TJP3: variants seen among roughly 807,000 people sequenced by gnomAD.
The protein encoded by TJP3 is tight junction protein ZO-3.
Under a neutral mutation model 104.2 loss-of-function variants are expected in TJP3, and 85 were observed. The ratio of observed to expected loss-of-function variants is 0.82; its 90% CI spans 0.68 to 0.98. The LOEUF is 0.98. Ranked by LOEUF, TJP3 falls within the 50% of genes least tolerant of loss-of-function variation. The probability of loss-of-function intolerance (pLI) is 0.00; values close to 1 mark genes in which losing one functional copy is unlikely to be tolerated. For synonymous variants in TJP3, 550 were observed against 550.6 expected (o/e 1.00, Z 0.02); for missense variants, 1,367 against 1,322.8 (o/e 1.03, Z -0.52).
chr19:3,743,725 A>C (rs552408623), intron 14 of TJP3: 3 of 519,312 alleles, frequency 5.8e-6, no homozygotes, highest in Non-Finnish European at 1.0e-5. Context: ...AGAAATGTAC[A>C]CATCAATTCT....
Position 3,734,383 on chromosome 19 carries a change from C to G in TJP3, c.934C>G (p.Pro312Ala), listed in dbSNP as rs1369093182. 1 of 1,613,502 alleles carries G rather than the reference C, an allele frequency of 6.2e-7. No individual in the cohort carries two copies. The highest frequency in any genetic ancestry group is 8.5e-7 in the Non-Finnish European group (1 of 1,180,006). ...SQAPPSHIPP[P>A]PRHAQRSPEA... ...GGCACCACCATCCCACATCCCACCACCACCCCGGCATGCTCAGCGGAGCCC... is the reference window on the plus strand; with the variant it reads ...GGCACCACCATCCCACATCCCACCAGCACCCCGGCATGCTCAGCGGAGCCC... Residue 312 changes from proline to alanine, a missense_variant, in exon 8 of 21, where the codon CCA (proline) becomes GCA (alanine). By Grantham distance (27) the Pro-to-Ala change is conservative (BLOSUM62 -1). Transcript: ENST00000541714.
intron 19 of TJP3, among the ~76,000 whole-genome samples, chr19:3,749,163 T>A (rs544171120): frequency 3.4e-4 from 52 of 152,010 alleles, no homozygotes; most frequent in African/African-American, 1.2e-3. Context: ...CCACCGCACC[T>A]GGCCTCCAGC....
Position 3,726,529 on chromosome 19 carries a change from G to A in TJP3, c.-9-1895G>A, listed in dbSNP as rs142460984. Among the ~76,000 whole-genome samples, 61 of 151,996 alleles carry A rather than the reference G, an allele frequency of 4.0e-4. No homozygotes were observed. In the East Asian group the frequency reaches 0.01, roughly 26 times the overall value. The stretch of plus-strand genomic sequence containing the variant: ...CAGGAGAATCGCTTGAAACTAGGAG[G>A]CAGAGGTTGCAGTGAGCCAAGTTGG... On this transcript the variant is annotated intron_variant, in intron 1 of 20. Coordinates refer to ENST00000541714, the MANE Select transcript of TJP3 (RefSeq NM_001267560.2).
intron 1 of TJP3, among the ~76,000 whole-genome samples, chr19:3,715,129 G>A (rs11085033): frequency 0.02 from 2,940 of 146,922 alleles, 104 homozygotes; most frequent in African/African-American, 0.07. Flanking sequence ...TCGCTCTGTC[G>A]CCCAGGCTGG....
At chr19:3,744,645 G>A (rs560315152) in intron 15 of TJP3, among the ~76,000 whole-genome samples, 4 of 149,342 alleles carry the variant, frequency 2.7e-5, no homozygotes, top group East Asian at 4.0e-4. Context: ...GCCTGACGAC[G>A]GAATGAGACT....
chr19:3,733,684 C>T, intron 6 of TJP3, 69 bp from the exon 7 acceptor site: 1 of 1,588,550 alleles, frequency 6.3e-7, no homozygotes, highest in Non-Finnish European at 8.6e-7. Flanking sequence ...TCCCCCACAC[C>T]AGGCTGTTTC....
In TJP3 at chr19:3,743,954, CG is replaced by C. The variant is rs767022829; in HGVS notation, c.1861del (p.Val621Ter). The C allele has an allele frequency of 7.4e-6, 12 of 1,613,992 alleles. No individual in the cohort carries two copies. Among genetic ancestry groups the C allele is most frequent in the Non-Finnish European group, 8.5e-6 (10 of 1,180,020 alleles). On this transcript the variant is annotated frameshift_variant, in exon 15 of 21. Transcript: ENST00000541714. LOFTEE classifies it high-confidence loss of function. ...TACCCCTCAGCCAGTTTCAAGCGCC[CG>C]GTAGTGATCCTGGGACCCGTGGCCG... ...VVLREASFKR[P>X]VVILGPVADI...
intron 1 of TJP3, among the ~76,000 whole-genome samples, chr19:3,715,128 C>T (rs868691012): frequency 1.4e-4 from 21 of 145,560 alleles, no homozygotes; most frequent in Admixed American, 1.4e-3. Context: ...CTCGCTCTGT[C>T]GCCCAGGCTG....
chr19:3,750,650 ACGG>A lies in TJP3; in HGVS notation c.2728_2730del (p.Gly910del). ...CATGATGCGGAGTCCTCCGATGAAGACGGCTATGACTGGGGTCCGGCCACTGAC... is the reference window on the plus strand; with the variant it reads ...CATGATGCGGAGTCCTCCGATGAAGACTATGACTGGGGTCCGGCCACTGAC... On this transcript the variant is annotated inframe_deletion, in exon 21 of 21. Coordinates refer to ENST00000541714, the MANE Select transcript of TJP3 (RefSeq NM_001267560.2). 1 of 1,606,842 alleles carries A rather than the reference ACGG, an allele frequency of 6.2e-7. No individual in the cohort carries two copies. The highest frequency in any genetic ancestry group is 8.5e-7 in the Non-Finnish European group (1 of 1,176,686).
rs1323062566 is a variant in TJP3 at position 3,750,158 on chromosome 19, G to T, written c.2631G>T (p.Gln877His). The T allele has an allele frequency of 6.2e-7, 1 of 1,614,038 alleles. No homozygotes were observed. The highest frequency in any genetic ancestry group is 8.5e-7 in the Non-Finnish European group (1 of 1,180,004). ...CCAAGGTGGACAGCCGCCACCCCCA[G>T]GGACAGTGGCGACAGGACAGCATGC... ...QGAQVDSRHP[Q>H]GQWRQDSMRT... Residue 877 changes from glutamine to histidine, a missense_variant, in exon 20 of 21, where the codon CAG becomes CAT. Physicochemically the swap from Gln to His is conservative, Grantham distance 24. Coordinates refer to ENST00000541714, the MANE Select transcript of TJP3 (RefSeq NM_001267560.2).
chr19:3,728,374 A>C lies in TJP3; in HGVS notation c.-9-50A>C, dbSNP rs1378516110. 7 of 1,613,740 alleles carry C rather than the reference A, an allele frequency of 4.3e-6. No individual in the cohort carries two copies. The African/African-American group carries it at 9.3e-5, about 22-fold the overall frequency. On this transcript the variant is annotated intron_variant, in intron 1 of 20. Coordinates refer to ENST00000541714, the MANE Select transcript of TJP3 (RefSeq NM_001267560.2). ...CTGAGCTGGGGACCCCCAAGTGCTC[A>C]GATGAACCTGTGTGGCCTCATGCCC...
Position 3,730,720 on chromosome 19 carries a change from G to T in TJP3, c.613+14G>T. The T allele has an allele frequency of 6.2e-7, 1 of 1,601,186 alleles. No homozygotes were observed. On this transcript the variant is annotated intron_variant, in intron 5 of 20. Transcript: ENST00000541714. The surrounding 1 kb of genome is among the most constrained non-coding windows in gnomAD (Gnocchi z 7.3). Reference sequence around the variant, plus strand: ...GAGACAGCGAAGGTCAGAAGAGGCGGGAGGTCGGACACGATCAGTACTGGA... The same window carrying T: ...GAGACAGCGAAGGTCAGAAGAGGCGTGAGGTCGGACACGATCAGTACTGGA...
chr19:3,731,858 A>C, intron 5 of TJP3, 77 bp from the exon 6 acceptor site: 1 of 1,245,364 alleles, frequency 8.0e-7, no homozygotes, highest in South Asian at 1.4e-5. Flanking sequence ...CCGCACCTGG[A>C]CTGCTTACAG....
rs752411524 is a variant in TJP3, at chr19:3,730,167, A to C, written c.261+37A>C. The C allele has an allele frequency of 6.3e-7, 1 of 1,599,362 alleles. No individual in the cohort carries two copies. ...GCCCCTGGCATGGCCAGCATCTCTG[A>C]CCCCAGCCTGGGTCGTGCCGCTGTG... On this transcript the variant is annotated intron_variant, in intron 4 of 20. Transcript: ENST00000541714. This position sits in a 1 kb window ranked among gnomAD's most constrained non-coding sequence, Gnocchi z 7.3.
At position 3,730,545 on chromosome 19, in the gene TJP3, C is replaced by T; in HGVS notation, c.452C>T (p.Pro151Leu). The change falls in exon 5 of 21, where the codon CCT (proline) becomes CTT (leucine). Residue 151 changes from proline (P) to leucine (L), a missense_variant. By Grantham distance (98) the Pro-to-Leu change is moderately conservative. Coordinates refer to ENST00000541714, the MANE Select transcript of TJP3 (RefSeq NM_001267560.2). This position sits in a 1 kb window ranked among gnomAD's most constrained non-coding sequence, Gnocchi z 7.3. ...SWDERSRRPR[P>L]GRRGRAGSHG... ...GACGAGCGCTCCCGCCGGCCGAGGC[C>T]TGGTCGCCGGGGCCGGGCCGGCAGC... 6.2e-7 allele frequency: 1 copy of T among 1,602,824 alleles called. No individual in the cohort carries two copies. Among genetic ancestry groups the T allele is most frequent in the South Asian group, 1.1e-5 (1 of 90,624 alleles).
intron 1 of TJP3, among the ~76,000 whole-genome samples, chr19:3,709,564 G>C (rs1568375280): frequency 6.6e-6 from 1 of 152,178 alleles, no homozygotes; most frequent in Non-Finnish European, 1.5e-5. Context: ...CGTGAGCCAA[G>C]TGTCCGATTG....
Position 3,738,942 on chromosome 19 carries a change from T to C in TJP3, c.1439T>C (p.Ile480Thr), listed in dbSNP as rs1223442779. The C allele has an allele frequency of 6.2e-7, 1 of 1,612,652 alleles. No individual in the cohort carries two copies. Among genetic ancestry groups the C allele is most frequent in the Non-Finnish European group, 8.5e-7 (1 of 1,179,470 alleles). Residue 480 changes from isoleucine to threonine, a missense_variant, in exon 13 of 21, where the codon ATC (isoleucine) becomes ACC (threonine). Physicochemically the swap from Ile to Thr is moderately conservative, Grantham distance 89. Transcript: ENST00000541714. Reference sequence around the variant, plus strand: ...TCCCGCGTGGGTGACTCCTTCTACATCCGCACTCACTTTGAGCTGGAGCCC... The same window carrying C: ...TCCCGCGTGGGTGACTCCTTCTACACCCGCACTCACTTTGAGCTGGAGCCC... ...VQSRVGDSFY[I>T]RTHFELEPSP... is the part of the protein sequence containing the mutation.
chr19:3,750,055 G>A, intron 19 of TJP3, 83 bp from the exon 20 acceptor site: 1 of 1,577,686 alleles, frequency 6.3e-7, no homozygotes, highest in Non-Finnish European at 8.7e-7. Context: ...GCCAAGGTGG[G>A]GGATGGGATG....
chr19:3,728,332 G>A lies in TJP3; in HGVS notation c.-9-92G>A, dbSNP rs755557660. ...ACAGGCTCCAAACACAGGCCTGTCA[G>A]AGCTGGACTCCCCACCCTGAGCTGG... On this transcript the variant is annotated intron_variant, in intron 1 of 20. Coordinates refer to ENST00000541714, the MANE Select transcript of TJP3 (RefSeq NM_001267560.2). The A allele has an allele frequency of 9.4e-6, 15 of 1,603,590 alleles. No individual in the cohort carries two copies. The South Asian group carries it at 1.7e-4, about 18-fold the overall frequency.
Sources: gnomAD v4.1 joint callset for allele counts (sites outside exome capture counted in the v4.1 genomes callset) on GRCh38, gnomAD v4.1.1 for gene constraint, Gnocchi (gnomAD v3.1) non-coding constraint, MANE v1.5 for transcripts, NCBI Gene and HGNC (gene_info 2026-07-23, HGNC 2026-07-21) for gene names.